PTPN3: variants seen among roughly 807,000 people sequenced by gnomAD.
PTPN3 encodes the protein protein tyrosine phosphatase non-receptor type 3, also known as tyrosine-protein phosphatase non-receptor type 3.
A neutral mutation model predicts 132.7 loss-of-function variants in PTPN3; 96 were observed. The ratio of observed to expected loss-of-function variants is 0.72; its 90% CI spans 0.61 to 0.86. The LOEUF is 0.86. PTPN3 is among the 40% of genes least tolerant of loss of function. The pLI is 0.00. For missense variants in PTPN3, 1,125 were observed against 1,159.6 expected, an observed-to-expected ratio of 0.97 and a Z score of 0.43; for synonymous variants, 398 against 429.0, an observed-to-expected ratio of 0.93 and a Z score of 0.89.
chr9:109,420,322 G>A, intron 14 of PTPN3, 102 bp downstream of exon 14: 1 of 1,214,172 alleles, frequency 8.2e-7, no homozygotes. Flanking sequence ...CTGGCTGCAG[G>A]CACCAGCTCT....
At chr9:109,516,084 C>G in the PTPN3 span, among the ~76,000 whole-genome samples, 2 of 152,144 alleles carry the variant, frequency 1.3e-5, no homozygotes, top group African/African-American at 4.8e-5. Flanking sequence ...TCACTCCTGT[C>G]AAAATTAGTA....
the PTPN3 span, among the ~76,000 whole-genome samples, chr9:109,519,256 A>G: frequency 6.6e-6 from 1 of 152,246 alleles, no homozygotes; most frequent in African/African-American, 2.4e-5. Context: ...AGCAATACAC[A>G]TTCAGCTGAA....
chr9:109,526,386 T>C, the PTPN3 span, among the ~76,000 whole-genome samples: 1 of 152,026 alleles, frequency 6.6e-6, no homozygotes, highest in African/African-American at 2.4e-5. Context: ...TTAAAATATA[T>C]GTGAAGCTGG....
chr9:109,495,718 T>C (rs1847639736), intron 1 of PTPN3, among the ~76,000 whole-genome samples: 1 of 152,242 alleles, frequency 6.6e-6, no homozygotes, highest in Non-Finnish European at 1.5e-5. Flanking sequence ...TCTCTGACCT[T>C]GCCTCCCTAA....
chr9:109,431,507 C>A (rs553283538), intron 10 of PTPN3, among the ~76,000 whole-genome samples: 23 of 152,324 alleles, frequency 1.5e-4, no homozygotes, highest in Middle Eastern at 3.4e-3. Context: ...CCTGGGCACG[C>A]CCCAGCCCAC....
At chr9:109,449,082 C>A in intron 5 of PTPN3, 1 of 1,363,170 alleles carries the variant, frequency 7.3e-7, no homozygotes, top group South Asian at 1.7e-5. Flanking sequence ...GGGCAATTTT[C>A]TGCCAGCACA....
rs752791278 is a variant in PTPN3 at position 109,382,337 on chromosome 9, C to G, written c.2493G>C (p.Leu831=). 4 of 1,613,972 alleles carry G rather than the reference C, an allele frequency of 2.5e-6. No homozygotes were observed. In the African/African-American group the frequency reaches 4.0e-5, roughly 16 times the overall value. Residue 831 remains leucine (L), a synonymous_variant, in exon 24 of 26, where the codon CTG becomes CTC. Coordinates refer to ENST00000374541, the MANE Select transcript of PTPN3 (RefSeq NM_002829.4). ...CTAGGACGGGCTCGCTGTCCACTCTCAGAGACCTCACATAGTTTACAAATT... is the reference window on the plus strand; with the variant it reads ...CTAGGACGGGCTCGCTGTCCACTCTGAGAGACCTCACATAGTTTACAAATT... The part of the protein sequence containing the change: ...FLEFVNYVRS[L]RVDSEPVLVH...
intron 2 of PTPN3, among the ~76,000 whole-genome samples, chr9:109,462,914 G>GA (rs374100529): frequency 6.6e-6 from 1 of 151,624 alleles, no homozygotes; most frequent in African/African-American, 2.4e-5. Flanking sequence ...ATCACTACTT[G>GA]AAAAAATGCA....
At chr9:109,445,440 G>A in intron 6 of PTPN3, 148 bp from the exon 7 acceptor site, 1 of 716,978 alleles carries the variant, frequency 1.4e-6, no homozygotes, top group Non-Finnish European at 2.4e-6. Context: ...ACTTTATGCT[G>A]CACATAAACA....
chr9:109,434,875 C>T (rs1324047827), intron 9 of PTPN3, among the ~76,000 whole-genome samples: 4 of 152,110 alleles, frequency 2.6e-5, no homozygotes, highest in Non-Finnish European at 4.4e-5. Flanking sequence ...TCCCCTTTGC[C>T]GTGGGACAAA....
intron 17 of PTPN3, among the ~76,000 whole-genome samples, chr9:109,407,547 A>C (rs1841669701): frequency 1.3e-5 from 2 of 152,148 alleles, no homozygotes; most frequent in East Asian, 3.9e-4. Context: ...CAATAAAATA[A>C]ATTTATTTTA....
At chr9:109,403,946 G>A (rs1379719019) in intron 19 of PTPN3, among the ~76,000 whole-genome samples, 2 of 152,192 alleles carry the variant, frequency 1.3e-5, no homozygotes, top group Admixed American at 6.5e-5. Context: ...TTGGGAGGGC[G>A]AGACACTATG....
At chr9:109,499,029 C>T (rs1564493497), upstream of PTPN3, among the ~76,000 whole-genome samples, 1 of 151,990 alleles carries the variant, frequency 6.6e-6, no homozygotes, top group African/African-American at 2.4e-5. Context: ...TAGCATTTAA[C>T]AGTGATTTAT....
intron 25 of PTPN3, 61 bp downstream of exon 25, chr9:109,381,591 G>C (rs1839091027): frequency 6.3e-7 from 1 of 1,589,532 alleles, no homozygotes; most frequent in Non-Finnish European, 8.6e-7. Context: ...CTTCTCTCAG[G>C]CCTGCCTGGT....
intron 2 of PTPN3, among the ~76,000 whole-genome samples, chr9:109,461,853 G>A (rs1845858422): frequency 6.6e-6 from 1 of 152,168 alleles, no homozygotes; most frequent in African/African-American, 2.4e-5. Flanking sequence ...TGCAGACACA[G>A]AATATTTCCA....
At chr9:109,402,561 G>A (rs1469988425) in intron 19 of PTPN3, among the ~76,000 whole-genome samples, 1 of 152,062 alleles carries the variant, frequency 6.6e-6, no homozygotes, top group Non-Finnish European at 1.5e-5. Flanking sequence ...TTATAGGTGT[G>A]AGCCACTGCA....
At chr9:109,422,403 T>C (rs1400413886) in intron 13 of PTPN3, among the ~76,000 whole-genome samples, 2 of 152,228 alleles carry the variant, frequency 1.3e-5, no homozygotes, top group African/African-American at 4.8e-5. Context: ...CGTACTTTTT[T>C]ATTATTGGAC....
chr9:109,532,595 AGAACT>A, the PTPN3 span, among the ~76,000 whole-genome samples: 4 of 115,862 alleles, frequency 3.5e-5, no homozygotes, highest in Non-Finnish European at 6.4e-5. Flanking sequence ...AAAAAAAAAA[AGAACT>A]AAACTAAACT....
intron 19 of PTPN3, among the ~76,000 whole-genome samples, chr9:109,399,854 A>C (rs1370224597): frequency 6.6e-6 from 1 of 151,162 alleles, no homozygotes; most frequent in African/African-American, 2.4e-5. Flanking sequence ...CAGGACGCCC[A>C]CCTGCCAACC....
Sources: gnomAD v4.1 joint callset for allele counts (sites outside exome capture counted in the v4.1 genomes callset) on GRCh38, gnomAD v4.1.1 for gene constraint, MANE v1.5 for transcripts, NCBI Gene and HGNC (gene_info 2026-07-23, HGNC 2026-07-21) for gene names.